Variants in LMO4 observed in about 807,000 individuals in gnomAD.
LMO4 encodes LIM domain transcription factor LMO4.
A neutral mutation model predicts 18.5 loss-of-function variants in LMO4; 3 were observed. That is an observed-to-expected ratio of 0.16 (90% CI 0.07 to 0.42). The LOEUF is 0.42. LMO4 is among the 10% of genes least tolerant of loss of function. LMO4 has a pLI of 0.99. For synonymous variants in LMO4, 100 were observed against 88.1 expected (o/e 1.14, Z -0.76); for missense variants, 121 against 219.9 (o/e 0.55, Z 2.84).
At chr1:87,336,173 T>C (rs1650306542) in intron 2 of LMO4, among the ~76,000 whole-genome samples, 1 of 152,226 alleles carries the variant, frequency 6.6e-6, no homozygotes, top group Admixed American at 6.5e-5. Flanking sequence ...CTTTGTTACA[T>C]TTAATATAGC....
chr1:87,338,815 C>G (rs1225526539), intron 2 of LMO4, among the ~76,000 whole-genome samples: 1 of 152,088 alleles, frequency 6.6e-6, no homozygotes, highest in African/African-American at 2.4e-5. Context: ...ACTTTCTGCT[C>G]AAATCGAAAT....
intron 2 of LMO4, among the ~76,000 whole-genome samples, chr1:87,336,889 A>T (rs904087598): frequency 2.0e-5 from 3 of 152,162 alleles, no homozygotes; most frequent in Admixed American, 2.0e-4. Context: ...TGAGCACCTA[A>T]AGCCTCGAGC....
chr1:87,339,778 A>T (rs1650420085), intron 3 of LMO4, 146 bp downstream of exon 3: 1 of 662,558 alleles, frequency 1.5e-6, no homozygotes, highest in Non-Finnish European at 2.6e-6. Flanking sequence ...CATGGCAGTG[A>T]TGGTTACACA....
rs147891002 is a variant in LMO4 at position 87,336,214 on chromosome 1, C to T, written c.237-3322C>T. Among the ~76,000 whole-genome samples, 377 of 152,228 alleles carry T rather than the reference C, an allele frequency of 2.5e-3. 1 individual carries two copies. Among genetic ancestry groups the T allele is most frequent in the African/African-American group, 8.2e-3 (341 of 41,534 alleles). Reference sequence around the variant, plus strand: ...CAGAATTTAGATTAAATATAGGAACCTGCTGGAAAACCAATTGCTTCTGGA... The same window carrying T: ...CAGAATTTAGATTAAATATAGGAACTTGCTGGAAAACCAATTGCTTCTGGA... On this transcript the variant is annotated intron_variant, in intron 2 of 4. Transcript: ENST00000370544.
chr1:87,340,337 A>G, intron 4 of LMO4, 135 bp downstream of exon 4: 1 of 725,762 alleles, frequency 1.4e-6, no homozygotes, highest in Non-Finnish European at 2.2e-6. Flanking sequence ...TACTAGTTGT[A>G]CATAGAGTGT....
At chr1:87,334,220 G>A (rs1342301602) in intron 2 of LMO4, among the ~76,000 whole-genome samples, 2 of 152,154 alleles carry the variant, frequency 1.3e-5, no homozygotes, top group Non-Finnish European at 2.9e-5. Flanking sequence ...TCTGGAAACT[G>A]GAGCCAGGCT....
chr1:87,339,955 C>G, intron 3 of LMO4, 92 bp from the exon 4 acceptor site: 1 of 1,373,396 alleles, frequency 7.3e-7, no homozygotes, highest in Non-Finnish European at 1.0e-6. Context: ...CTGTACTTGA[C>G]AGATACCTGC....
intron 2 of LMO4, among the ~76,000 whole-genome samples, chr1:87,335,952 C>T (rs552737612): frequency 3.2e-4 from 48 of 150,794 alleles, no homozygotes; most frequent in Non-Finnish European, 6.3e-4. Context: ...TTTGTCATAA[C>T]AGAATTAATT....
chr1:87,336,126 T>A (rs1435397708), intron 2 of LMO4, among the ~76,000 whole-genome samples: 2 of 152,154 alleles, frequency 1.3e-5, no homozygotes, highest in South Asian at 2.1e-4. Flanking sequence ...GTACCTTTAA[T>A]GGACTTGGCT....
intron 4 of LMO4, 138 bp downstream of exon 4, chr1:87,340,340 T>C: frequency 1.4e-6 from 1 of 721,232 alleles, no homozygotes; most frequent in Non-Finnish European, 2.2e-6. Flanking sequence ...TAGTTGTACA[T>C]AGAGTGTTCA....
intron 2 of LMO4, among the ~76,000 whole-genome samples, chr1:87,332,487 C>T (rs1381266334): frequency 1.3e-5 from 2 of 152,228 alleles, no homozygotes; most frequent in African/African-American, 4.8e-5. Context: ...GGGACTGGGT[C>T]ATTAGATGTG....
At position 87,345,032 on chromosome 1, in the gene LMO4, GAA is replaced by G. The variant is rs943594021; in HGVS notation, c.*241_*242del. On this transcript the variant is annotated 3_prime_UTR_variant, in exon 5 of 5. Coordinates refer to ENST00000370544, the MANE Select transcript of LMO4 (RefSeq NM_006769.4). ...GCTAATGGGAGACTGTAGAGAAAAT[GAA>G]AAAAGATCCACCAGAGGACATCTTG... The G allele has an allele frequency of 6.6e-6, 1 of 151,402 alleles. No individual in the cohort carries two copies. The highest frequency in any genetic ancestry group is 1.4e-5 in the Non-Finnish European group (1 of 71,128). 9.4% of individuals were successfully genotyped at this position (151,402 alleles called of 1,614,324 possible).
At chr1:87,330,100 A>T (rs1371445864) in intron 1 of LMO4, among the ~76,000 whole-genome samples, 1 of 146,522 alleles carries the variant, frequency 6.8e-6, no homozygotes, top group African/African-American at 2.5e-5. Context: ...TTCTTGATTC[A>T]TCTCTTTTAG....
intron 2 of LMO4, among the ~76,000 whole-genome samples, chr1:87,336,119 C>G (rs1441473280): frequency 6.6e-6 from 1 of 151,934 alleles, no homozygotes; most frequent in Non-Finnish European, 1.5e-5. Context: ...TTCCGAAGTA[C>G]CTTTAATGGA....
At chr1:87,334,537 A>G (rs1360276374) in intron 2 of LMO4, among the ~76,000 whole-genome samples, 2 of 152,176 alleles carry the variant, frequency 1.3e-5, no homozygotes, top group African/African-American at 2.4e-5. Flanking sequence ...AGAAGAGTGG[A>G]GTAATCTGCT....
chr1:87,348,831 T>A lies in LMO4; in HGVS notation c.*4035T>A, dbSNP rs1379809658. On this transcript the variant is annotated 3_prime_UTR_variant, in exon 5 of 5. Transcript: ENST00000370544. ...CGGCAACTCGGAGGCCTCAAGCCAA[T>A]AATGTACTACAGGCCCTGACATGTT... The A allele has an allele frequency of 1.2e-5, 6 of 480,706 alleles. No homozygotes were observed. The highest frequency in any genetic ancestry group is 2.5e-5 in the Non-Finnish European group (6 of 239,912). The allele number at this position is 480,706 out of a possible 1,614,324, so 29.8% of individuals were successfully genotyped here.
In LMO4 at chr1:87,328,924, G is replaced by A. The variant is rs1318383858; in HGVS notation, c.-324G>A. The A allele has an allele frequency of 6.6e-6, 1 of 152,304 alleles. No individual in the cohort carries two copies. The highest frequency in any genetic ancestry group is 6.5e-5 in the Admixed American group (1 of 15,278). The allele number at this position is 152,304 out of a possible 1,614,324, so 9.4% of individuals were successfully genotyped here. On this transcript the variant is annotated 5_prime_UTR_variant, in exon 1 of 5. Transcript: ENST00000370544. ...TTGCTGCCGCTGCGCCGCGCCTGAA[G>A]CCGCGCCGCGCGGGCCGAGGGCTCC...
At chr1:87,336,776 C>T (rs907708721) in intron 2 of LMO4, among the ~76,000 whole-genome samples, 3 of 152,158 alleles carry the variant, frequency 2.0e-5, no homozygotes, top group Non-Finnish European at 4.4e-5. Flanking sequence ...ATTAAAGACT[C>T]CCCTGGCTTT....
At chr1:87,337,348 G>A (rs76349469) in intron 2 of LMO4, among the ~76,000 whole-genome samples, 4,968 of 152,264 alleles carry the variant, frequency 0.033, 119 homozygotes, top group Admixed American at 0.079. Context: ...ACACTTCGAT[G>A]TTGAAGACTT....
Sources: allele counts gnomAD v4.1 joint callset (sites outside exome capture counted in the v4.1 genomes callset), GRCh38; gene constraint gnomAD v4.1.1; transcripts MANE v1.5; gene names NCBI Gene and HGNC (gene_info 2026-07-23, HGNC 2026-07-21).